The following CNNM2 variants were observed in gnomAD, a reference collection of about 807,000 sequenced individuals.
CNNM2 encodes cyclin and CBS domain divalent metal cation transport mediator 2.
In CNNM2, 12 loss-of-function variants were observed where a neutral mutation model predicts 66.9. The observed-to-expected ratio is 0.18, with a 90% CI of 0.11 to 0.29. CNNM2 has a LOEUF of 0.29. Among genes scored for constraint, CNNM2 ranks in the 10% least tolerant of loss-of-function variants. The pLI is 1.00. For missense variants in CNNM2, 705 were observed against 1,167.7 expected (o/e 0.60, Z 5.77); for synonymous variants, 557 against 501.8 (o/e 1.11, Z -1.47).
At chr10:102,960,415 T>G (rs979595767) in intron 1 of CNNM2, among the ~76,000 whole-genome samples, 10 of 152,342 alleles carry the variant, frequency 6.6e-5, no homozygotes, top group Admixed American at 2.0e-4. Context: ...TAACAAATTT[T>G]TAACTATTAA....
intron 2 of CNNM2, among the ~76,000 whole-genome samples, chr10:103,053,351 C>A (rs1450733781): frequency 6.6e-6 from 1 of 151,876 alleles, no homozygotes; most frequent in Non-Finnish European, 1.5e-5. Context: ...TCTGTCTCTA[C>A]AAAAAAAATT....
At chr10:103,010,419 G>A (rs535381378) in intron 1 of CNNM2, among the ~76,000 whole-genome samples, 1 of 151,826 alleles carries the variant, frequency 6.6e-6, no homozygotes, top group South Asian at 2.1e-4. Context: ...TTGTAGAGAT[G>A]GGGTTTCGCC....
At chr10:102,975,644 T>C (rs1191734066) in intron 1 of CNNM2, among the ~76,000 whole-genome samples, 1 of 152,170 alleles carries the variant, frequency 6.6e-6, no homozygotes, top group Non-Finnish European at 1.5e-5. Context: ...AAAACTTGTG[T>C]CTGTGTTGGC....
rs1445992376 is a variant in CNNM2 at position 103,082,977 on chromosome 10, A to C, written c.*5797A>C. On this transcript the variant is annotated 3_prime_UTR_variant, in exon 8 of 8. Coordinates refer to ENST00000369878, the MANE Select transcript of CNNM2 (RefSeq NM_017649.5). Reference sequence around the variant, plus strand: ...CCACTTACCTTAGATTGCATAATCCATCTTTCTGGATAATGGAAGCTGCCT... The same window carrying C: ...CCACTTACCTTAGATTGCATAATCCCTCTTTCTGGATAATGGAAGCTGCCT... 1 of 152,220 alleles carries C rather than the reference A, an allele frequency of 6.6e-6. No individual in the cohort carries two copies. The highest frequency in any genetic ancestry group is 1.5e-5 in the Non-Finnish European group (1 of 68,038). The allele number at this position is 152,220 out of a possible 1,614,324, so 9.4% of individuals were successfully genotyped here.
intron 1 of CNNM2, among the ~76,000 whole-genome samples, chr10:102,976,003 A>G (rs1414000215): frequency 6.6e-6 from 1 of 152,134 alleles, no homozygotes; most frequent in Admixed American, 6.6e-5. Context: ...TCTTAAAAGA[A>G]CCTCACTGGT....
chr10:103,029,314 A>T (rs1186249477), intron 1 of CNNM2, among the ~76,000 whole-genome samples: 4 of 151,256 alleles, frequency 2.6e-5, no homozygotes, highest in African/African-American at 9.7e-5. Context: ...AAAAAAAAAA[A>T]AAAAATAGGC....
chr10:102,918,436 G>A lies in CNNM2; in HGVS notation c.-45G>A, dbSNP rs1336232355. ...CCCAGGGGCCGGTACCTGCGCTCGC[G>A]CCGCCGGGTTGAAAGGATGAAGCCG... On this transcript the variant is annotated 5_prime_UTR_variant, in exon 1 of 8. Transcript: ENST00000369878. This position sits in a 1 kb window ranked among gnomAD's most constrained non-coding sequence, Gnocchi z 4.1. The A allele has an allele frequency of 6.3e-7, 1 of 1,576,248 alleles. No homozygotes were observed. The highest frequency in any genetic ancestry group is 8.6e-7 in the Non-Finnish European group (1 of 1,166,976).
At chr10:102,925,247 G>A (rs946149580) in intron 1 of CNNM2, among the ~76,000 whole-genome samples, 2 of 121,980 alleles carry the variant, frequency 1.6e-5, no homozygotes, top group South Asian at 5.7e-4. Flanking sequence ...GGTGAACTGA[G>A]ATCGCACCAT....
chr10:103,000,242 C>T (rs1352601445), intron 1 of CNNM2, among the ~76,000 whole-genome samples: 10 of 146,302 alleles, frequency 6.8e-5, no homozygotes, highest in African/African-American at 2.3e-4. Flanking sequence ...GTCTCAAAAA[C>T]AAATAAATAA....
chr10:103,000,209 G>T (rs1307755248), intron 1 of CNNM2, among the ~76,000 whole-genome samples: 2 of 151,432 alleles, frequency 1.3e-5, no homozygotes, highest in Non-Finnish European at 2.9e-5. Context: ...GCACTCCAGC[G>T]TGTGTGACAA....
At chr10:103,041,681 C>G (rs2065043037) in intron 1 of CNNM2, among the ~76,000 whole-genome samples, 1 of 152,218 alleles carries the variant, frequency 6.6e-6, no homozygotes, top group Non-Finnish European at 1.5e-5. Context: ...GCCAAAATCA[C>G]CTTTCGTGAC....
At chr10:103,035,918 C>T (rs932058269) in intron 1 of CNNM2, among the ~76,000 whole-genome samples, 6 of 152,138 alleles carry the variant, frequency 3.9e-5, no homozygotes, top group Non-Finnish European at 8.8e-5. Flanking sequence ...CTGTTGTCAC[C>T]GGGAAGTTCA....
At chr10:103,057,108 T>G in intron 4 of CNNM2, 144 bp downstream of exon 4, 1 of 755,318 alleles carries the variant, frequency 1.3e-6, no homozygotes. Context: ...TCTTCCTGTT[T>G]TCATATCTGT....
chr10:102,985,044 C>T (rs976708955), intron 1 of CNNM2, among the ~76,000 whole-genome samples: 1 of 152,076 alleles, frequency 6.6e-6, no homozygotes, highest in Non-Finnish European at 1.5e-5. Flanking sequence ...GGCCGAGAAG[C>T]GATGAATTTT....
intron 1 of CNNM2, among the ~76,000 whole-genome samples, chr10:102,989,636 C>A (rs957952085): frequency 6.6e-6 from 1 of 151,912 alleles, no homozygotes; most frequent in Non-Finnish European, 1.5e-5. Flanking sequence ...AACCCGATCT[C>A]TACTAAAAAT....
At chr10:102,948,372 G>A (rs1846697862) in intron 1 of CNNM2, among the ~76,000 whole-genome samples, 1 of 152,250 alleles carries the variant, frequency 6.6e-6, no homozygotes, top group African/African-American at 2.4e-5. Context: ...ATAAGTAGGC[G>A]TCAACTAGAG....
intron 1 of CNNM2, among the ~76,000 whole-genome samples, chr10:103,010,777 T>C (rs781197866): frequency 2.6e-5 from 4 of 152,078 alleles, no homozygotes; most frequent in Non-Finnish European, 4.4e-5. Context: ...CATGCCCAGC[T>C]AATTTTTGTA....
intron 1 of CNNM2, among the ~76,000 whole-genome samples, chr10:102,951,752 C>T (rs1367789378): frequency 7.9e-5 from 12 of 151,694 alleles, no homozygotes. Context: ...AGTCCTCCCA[C>T]CTCAGCCTCT....
chr10:103,075,768 G>A (rs958128889), intron 6 of CNNM2, among the ~76,000 whole-genome samples: 8 of 152,190 alleles, frequency 5.3e-5, no homozygotes, highest in African/African-American at 1.9e-4. Context: ...GCCCAACCTC[G>A]CCTGAGCATC....
Sources: gnomAD v4.1 joint callset for allele counts (sites outside exome capture counted in the v4.1 genomes callset) on GRCh38, gnomAD v4.1.1 for gene constraint, Gnocchi (gnomAD v3.1) non-coding constraint, MANE v1.5 for transcripts, NCBI Gene and HGNC (gene_info 2026-07-23, HGNC 2026-07-21) for gene names.